Variants in OPCML observed in about 807,000 individuals in gnomAD.
The protein encoded by OPCML is opioid binding protein/cell adhesion molecule like.
OPCML carries 13 observed loss-of-function variants against 37.8 expected under a neutral mutation model. The observed-to-expected ratio is 0.34, with a 90% confidence interval of 0.22 to 0.55. OPCML has a LOEUF of 0.55. Ranked by LOEUF, OPCML falls within the 20% of genes least tolerant of loss-of-function variation. The pLI is 0.91. For missense variants in OPCML, 341 were observed against 435.6 expected, an observed-to-expected ratio of 0.78 and a Z score of 1.93; for synonymous variants, 176 against 168.8, an observed-to-expected ratio of 1.04 and a Z score of -0.33.
chr11:133,208,761 G>A lies in OPCML; in HGVS notation c.62-265751C>T, dbSNP rs1592106123. ...TGAAGCACACGTTATCTAAAGCAATGGCCCTTCTCTAGGACCAAAGGGATA... is the reference window on the plus strand; with the variant it reads ...TGAAGCACACGTTATCTAAAGCAATAGCCCTTCTCTAGGACCAAAGGGATA... On this transcript the variant is annotated intron_variant, in intron 1 of 7. Coordinates refer to ENST00000524381, the MANE Select transcript of OPCML (RefSeq NM_001012393.5). This position sits in a 1 kb window ranked among gnomAD's most constrained non-coding sequence, Gnocchi z 8.9. Among the ~76,000 whole-genome samples the A allele has an allele frequency of 6.6e-6, 1 of 152,258 alleles. No homozygotes were observed. The highest frequency in any genetic ancestry group is 2.4e-5 in the African/African-American group (1 of 41,560).
chr11:132,973,765 C>A (rs1021748965), intron 1 of OPCML, among the ~76,000 whole-genome samples: 1 of 152,196 alleles, frequency 6.6e-6, no homozygotes, highest in Non-Finnish European at 1.5e-5. Flanking sequence ...TTTTCCAAAC[C>A]TTCTCCAATC....
At chr11:133,502,155 C>G (rs932418668) in intron 1 of OPCML, among the ~76,000 whole-genome samples, 6 of 152,210 alleles carry the variant, frequency 3.9e-5, no homozygotes, top group Non-Finnish European at 8.8e-5. Flanking sequence ...CCCCGAGAGA[C>G]CTGGTGCCCA....
intron 1 of OPCML, among the ~76,000 whole-genome samples, chr11:133,262,242 T>G (rs1322031823): frequency 6.6e-6 from 1 of 152,200 alleles, no homozygotes; most frequent in African/African-American, 2.4e-5. Context: ...TTCCATAAAA[T>G]CTAGTTAGTA....
At chr11:133,204,892 A>ATATATGTG (rs1555114246) in intron 1 of OPCML, among the ~76,000 whole-genome samples, 1 of 137,350 alleles carries the variant, frequency 7.3e-6, no homozygotes, top group Admixed American at 7.2e-5. Flanking sequence ...ATATATATAT[A>ATATATGTG]TATATATATA....
chr11:133,226,157 T>G (rs1940026494), intron 1 of OPCML, among the ~76,000 whole-genome samples: 1 of 152,220 alleles, frequency 6.6e-6, no homozygotes, highest in Non-Finnish European at 1.5e-5. Flanking sequence ...CAAATTTTCT[T>G]CCAGTGCTAT....
At chr11:133,049,688 C>A (rs1337166525) in intron 1 of OPCML, among the ~76,000 whole-genome samples, 1 of 152,204 alleles carries the variant, frequency 6.6e-6, no homozygotes, top group African/African-American at 2.4e-5. Context: ...GTCTTATAAT[C>A]TGATTTGTAA....
intron 2 of OPCML, among the ~76,000 whole-genome samples, chr11:132,919,773 C>T (rs1264881850): frequency 3.3e-5 from 5 of 152,202 alleles, no homozygotes; most frequent in Non-Finnish European, 7.3e-5. Flanking sequence ...TGTTCATCTC[C>T]ACCCACAGTG....
intron 1 of OPCML, chr11:133,024,733 C>T (rs1367164309): frequency 9.6e-6 from 9 of 937,992 alleles, no homozygotes; most frequent in African/African-American, 7.1e-5. Flanking sequence ...TGCCAGCCCT[C>T]GCGCTTTTGA....
rs373399277 is a variant in OPCML at position 133,322,598 on chromosome 11, A to T, written c.61+209666T>A. Among the ~76,000 whole-genome samples the T allele has an allele frequency of 2.0e-5, 3 of 151,964 alleles. No homozygotes were observed. The South Asian group carries it at 6.2e-4, about 32-fold the overall frequency. On this transcript the variant is annotated intron_variant, in intron 1 of 7. Coordinates refer to ENST00000524381, the MANE Select transcript of OPCML (RefSeq NM_001012393.5). The stretch of plus-strand genomic sequence containing the variant: ...TGCATTAAAGATCAGAACAACCACA[A>T]AAAAAAAGACTGGGTTTTAGGCACT...
At chr11:132,972,993 G>T (rs1425303962) in intron 1 of OPCML, among the ~76,000 whole-genome samples, 1 of 152,148 alleles carries the variant, frequency 6.6e-6, no homozygotes, top group African/African-American at 2.4e-5. Context: ...GCCTCACACA[G>T]CCCATACCTG....
At chr11:132,528,154 C>T (rs936498166) in intron 4 of OPCML, among the ~76,000 whole-genome samples, 2 of 151,696 alleles carry the variant, frequency 1.3e-5, no homozygotes, top group Non-Finnish European at 2.9e-5. Context: ...CACTTTTCTT[C>T]TGTTACGGTT....
At chr11:132,500,965 T>G (rs757724938) in intron 4 of OPCML, among the ~76,000 whole-genome samples, 19 of 152,350 alleles carry the variant, frequency 1.2e-4, no homozygotes, top group Middle Eastern at 3.4e-3. Context: ...TGATGGGCAT[T>G]TGGATTGGTT....
intron 1 of OPCML, among the ~76,000 whole-genome samples, chr11:132,951,426 C>CA (rs1320128920): frequency 6.6e-6 from 1 of 152,158 alleles, no homozygotes; most frequent in African/African-American, 2.4e-5. Flanking sequence ...AGAAGGCCAC[C>CA]AATTCTAAGG....
intron 2 of OPCML, among the ~76,000 whole-genome samples, chr11:132,728,440 A>C (rs1035797694): frequency 3.3e-5 from 5 of 152,224 alleles, no homozygotes; most frequent in African/African-American, 9.6e-5. Flanking sequence ...CTAGGAAAAT[A>C]GCAGAGGGGC....
intron 2 of OPCML, among the ~76,000 whole-genome samples, chr11:132,711,681 A>G (rs1052231729): frequency 3.9e-5 from 6 of 152,162 alleles, no homozygotes; most frequent in African/African-American, 1.2e-4. Flanking sequence ...ATGTGTGTGT[A>G]TGATATTTTA....
intron 2 of OPCML, among the ~76,000 whole-genome samples, chr11:132,886,728 C>A (rs938924924): frequency 2.0e-5 from 3 of 152,252 alleles, no homozygotes; most frequent in South Asian, 4.1e-4. Context: ...GGAGTCGTGG[C>A]CAGCTGGTAG....
chr11:132,775,176 AG>A (rs1946770661), intron 2 of OPCML, among the ~76,000 whole-genome samples: 1 of 152,252 alleles, frequency 6.6e-6, no homozygotes. Flanking sequence ...TACATTACCC[AG>A]CTAGGCTTGG....
chr11:133,047,146 A>G (rs549285942), intron 1 of OPCML, among the ~76,000 whole-genome samples: 3 of 152,300 alleles, frequency 2.0e-5, no homozygotes, highest in East Asian at 1.9e-4. Flanking sequence ...AAATCTGAAC[A>G]TGGCTTCACG....
intron 1 of OPCML, among the ~76,000 whole-genome samples, chr11:133,464,050 T>C (rs982842442): frequency 4.1e-5 from 6 of 147,574 alleles, no homozygotes; most frequent in Non-Finnish European, 7.4e-5. Flanking sequence ...TATTTATCTG[T>C]TGGGAATATA....
Sources: gnomAD v4.1 joint callset for allele counts (sites outside exome capture counted in the v4.1 genomes callset) on GRCh38, gnomAD v4.1.1 for gene constraint, Gnocchi (gnomAD v3.1) non-coding constraint, MANE v1.5 for transcripts, NCBI Gene and HGNC (gene_info 2026-07-23, HGNC 2026-07-21) for gene names.